ZEB2: variants seen among roughly 807,000 people sequenced by gnomAD.
ZEB2 encodes the protein zinc finger E-box-binding homeobox 2.
A neutral mutation model predicts 99.9 loss-of-function variants in ZEB2; 6 were observed. The ratio of observed to expected loss-of-function variants is 0.06; its 90% CI spans 0.03 to 0.12. The LOEUF (loss-of-function observed/expected upper bound fraction) is 0.12. Ranked by LOEUF, ZEB2 falls within the 10% of genes least tolerant of loss-of-function variation. The pLI is 1.00. For synonymous variants in ZEB2, 517 were observed against 542.5 expected (o/e 0.95, Z 0.65); for missense variants, 969 against 1,502.8 (o/e 0.64, Z 5.87).
chr2:144,484,203 G>GTGTGTGTGTGTGTGTGTGTGTGTGTA (rs1008432723), intron 2 of ZEB2, among the ~76,000 whole-genome samples: 4 of 151,944 alleles, frequency 2.6e-5, no homozygotes, highest in African/African-American at 9.7e-5. Context: ...GTGTGTGTGT[G>GTGTGTGTGTGTGTGTGTGTGTGTGTA]TGTGTGTGTG....
At chr2:144,394,244 T>A (rs890846655) in intron 9 of ZEB2, 6 of 152,188 alleles carry the variant, frequency 3.9e-5, no homozygotes, top group African/African-American at 1.2e-4. Context: ...TCAAATAAAT[T>A]ATGCATATTT....
rs1560606972 is a variant in ZEB2 at position 144,399,616 on chromosome 2, C to T, written c.1571G>A (p.Ser524Asn). The T allele has an allele frequency of 6.2e-7, 1 of 1,614,178 alleles. No homozygotes were observed. The highest frequency in any genetic ancestry group is 1.1e-5 in the South Asian group (1 of 91,086). ...PVVSHNGATK[S>N]IIDYTLEKVN... The stretch of plus-strand genomic sequence containing the variant: ...TTTTTCCAACGTATAGTCAATAATA[C>T]TTTTAGTGGCACCATTATGACTCAC... The change falls in exon 8 of 10, where the codon AGT (serine) becomes AAT (asparagine). Residue 524 changes from serine to asparagine, a missense_variant. This residue lies in a region of ZEB2 where 227 missense variants were observed against 278.2 expected (regional missense o/e 0.82). Coordinates refer to ENST00000627532, the MANE Select transcript of ZEB2 (RefSeq NM_014795.4). This position sits in a 1 kb window ranked among gnomAD's most constrained non-coding sequence, Gnocchi z 5.6.
intron 9 of ZEB2, among the ~76,000 whole-genome samples, chr2:144,393,647 T>C (rs1703182517): frequency 6.6e-6 from 1 of 152,104 alleles, no homozygotes; most frequent in African/African-American, 2.4e-5. Flanking sequence ...ATACATCACA[T>C]CAATAGAAAA....
chr2:144,510,305 C>T (rs1021730376), intron 2 of ZEB2, among the ~76,000 whole-genome samples: 2 of 152,084 alleles, frequency 1.3e-5, no homozygotes, highest in African/African-American at 4.8e-5. Flanking sequence ...TGTGAGGACC[C>T]GTCACTGAAA....
chr2:144,486,265 A>C (rs1465865811), intron 2 of ZEB2, among the ~76,000 whole-genome samples: 2 of 152,044 alleles, frequency 1.3e-5, no homozygotes, highest in Non-Finnish European at 2.9e-5. Context: ...TAAATTTTTC[A>C]CCTTGATCAC....
chr2:144,396,652 T>G (rs1703233855), intron 8 of ZEB2, 60 bp from the exon 9 acceptor site: 2 of 1,563,904 alleles, frequency 1.3e-6, no homozygotes, highest in African/African-American at 2.7e-5. Context: ...ACCAAACAAC[T>G]TCACATAGGG....
intron 2 of ZEB2, among the ~76,000 whole-genome samples, chr2:144,499,251 C>T (rs1328153949): frequency 6.6e-6 from 1 of 152,132 alleles, no homozygotes; most frequent in Non-Finnish European, 1.5e-5. Context: ...CCCATATTCT[C>T]AATTCATTAT....
At chr2:144,420,903 G>C (rs1386831635) in intron 4 of ZEB2, among the ~76,000 whole-genome samples, 2 of 152,182 alleles carry the variant, frequency 1.3e-5, no homozygotes, top group African/African-American at 2.4e-5. Flanking sequence ...ACTGAAGAAC[G>C]TCCTGTAGGT....
chr2:144,446,534 T>C (rs1703986929), intron 2 of ZEB2, among the ~76,000 whole-genome samples: 1 of 152,172 alleles, frequency 6.6e-6, no homozygotes, highest in African/African-American at 2.4e-5. Context: ...GTTACATGTA[T>C]ATATTATCTT....
intron 1 of ZEB2, chr2:144,518,338 A>G (rs182023128): frequency 1.3e-5 from 2 of 152,300 alleles, no homozygotes; most frequent in East Asian, 3.9e-4. Context: ...GAAACTGTCA[A>G]AACTTGGAGA....
In ZEB2 at chr2:144,389,568, G is replaced by C; in HGVS notation, c.3528C>G (p.Pro1176=). 5 of 1,613,734 alleles carry C rather than the reference G, an allele frequency of 3.1e-6. No homozygotes were observed. The highest frequency in any genetic ancestry group is 4.2e-6 in the Non-Finnish European group (5 of 1,179,994). ...ESENKSMDTD[P]ETIRDEEETG... Reference sequence around the variant, plus strand: ...TCTCTTCTTCATCTCGTATCGTTTCGGGATCCGTATCCATACTTTTATTTT... The same window carrying C: ...TCTCTTCTTCATCTCGTATCGTTTCCGGATCCGTATCCATACTTTTATTTT... Residue 1176 remains proline (P), a synonymous_variant, in exon 10 of 10, where the codon CCC becomes CCG. Transcript: ENST00000627532. The surrounding 1 kb of genome is among the most constrained non-coding windows in gnomAD (Gnocchi z 6.8).
intron 2 of ZEB2, chr2:144,450,118 C>A (rs1404534171): frequency 6.7e-6 from 1 of 150,158 alleles, no homozygotes; most frequent in East Asian, 2.0e-4. Flanking sequence ...ACAATAAATA[C>A]AACATAGCTT....
At chr2:144,498,951 A>T (rs1704829873) in intron 2 of ZEB2, among the ~76,000 whole-genome samples, 1 of 152,180 alleles carries the variant, frequency 6.6e-6, no homozygotes, top group African/African-American at 2.4e-5. Context: ...CCAGAGATAC[A>T]GTATTTCTTA....
intron 8 of ZEB2, chr2:144,397,984 TC>T: frequency 2.7e-6 from 1 of 363,932 alleles, no homozygotes; most frequent in South Asian, 2.2e-5. Flanking sequence ...AACTTTAACT[TC>T]TAGCACCTAG....
intron 2 of ZEB2, chr2:144,513,538 A>C (rs762687888): frequency 1.3e-6 from 2 of 1,529,672 alleles, no homozygotes; most frequent in South Asian, 2.4e-5. Flanking sequence ...TGAAACAAGC[A>C]GTTTCCGGAT....
chr2:144,390,112 C>T, intron 9 of ZEB2, 84 bp from the exon 10 acceptor site: 2 of 1,390,652 alleles, frequency 1.4e-6, no homozygotes, highest in African/African-American at 1.4e-5. Context: ...AGTCCAGACT[C>T]AGGCATAAGC....
intron 2 of ZEB2, among the ~76,000 whole-genome samples, chr2:144,480,341 T>C (rs893190625): frequency 3.3e-5 from 5 of 152,142 alleles, no homozygotes; most frequent in African/African-American, 9.7e-5. Flanking sequence ...AATATGCTCT[T>C]TCATCATCTG....
intron 1 of ZEB2, among the ~76,000 whole-genome samples, chr2:144,519,099 A>G (rs1705221903): frequency 6.6e-6 from 1 of 152,178 alleles, no homozygotes. Flanking sequence ...TTCAGTGCCA[A>G]AGTATGGAAT....
At chr2:144,418,169 T>C (rs1703568268) in intron 4 of ZEB2, among the ~76,000 whole-genome samples, 1 of 152,212 alleles carries the variant, frequency 6.6e-6, no homozygotes, top group South Asian at 2.1e-4. Context: ...CTTCATATTT[T>C]AGCCTCAAAT....
Sources: allele counts gnomAD v4.1 joint callset (sites outside exome capture counted in the v4.1 genomes callset), GRCh38; gene constraint gnomAD v4.1.1; regional missense constraint gnomAD v4.1.1; non-coding constraint Gnocchi (gnomAD v3.1); transcripts MANE v1.5; gene names NCBI Gene and HGNC (gene_info 2026-07-23, HGNC 2026-07-21).